The following ATP6V0A1 variants were observed in gnomAD, a reference collection of about 807,000 sequenced individuals.
ATP6V0A1 encodes the protein ATPase H+ transporting V0 subunit a1.
In ATP6V0A1, 43 loss-of-function variants were observed where a neutral mutation model predicts 105.4. That is an observed-to-expected ratio of 0.41 (90% CI 0.32 to 0.53). The LOEUF is 0.53. ATP6V0A1 is among the 20% of genes least tolerant of loss of function. The pLI, the probability that ATP6V0A1 is intolerant of heterozygous loss-of-function variation, is 0.30. For synonymous variants in ATP6V0A1, 362 were observed against 372.8 expected, an observed-to-expected ratio of 0.97 and a Z score of 0.33; for missense variants, 676 against 1,051.1, an observed-to-expected ratio of 0.64 and a Z score of 4.93.
At position 42,470,128 on chromosome 17, in the gene ATP6V0A1, C is replaced by A; in HGVS notation, c.333C>A (p.Ile111=). 1 of 1,610,014 alleles carries A rather than the reference C, an allele frequency of 6.2e-7. No homozygotes were observed. Among genetic ancestry groups the A allele is most frequent in the South Asian group, 1.1e-5 (1 of 90,546 alleles). Residue 111 remains isoleucine (I), a synonymous_variant, in exon 5 of 22, where the codon ATC becomes ATA. Transcript: ENST00000343619. ...AGATTGAAAATGAACTGAAGGAAAT[C>A]AACACAAACCAGGAAGCTCTGAAGA... ...FEKIENELKE[I]NTNQEALKRN... is the part of the protein sequence containing the mutation.
chr17:42,508,926 C>A (rs1280966729), intron 19 of ATP6V0A1, among the ~76,000 whole-genome samples: 1 of 152,174 alleles, frequency 6.6e-6, no homozygotes, highest in African/African-American at 2.4e-5. Flanking sequence ...CTCTGCCTTC[C>A]TCTCCTGTGA....
At chr17:42,494,232 T>G in intron 11 of ATP6V0A1, 102 bp from the exon 12 acceptor site, 5 of 1,158,654 alleles carry the variant, frequency 4.3e-6, no homozygotes, top group Non-Finnish European at 6.0e-6. Context: ...AGACTCCATC[T>G]CAAAAAAAAA....
intron 17 of ATP6V0A1, among the ~76,000 whole-genome samples, chr17:42,506,192 A>T (rs1872057): frequency 6.6e-6 from 1 of 152,230 alleles, no homozygotes; most frequent in Non-Finnish European, 1.5e-5. Flanking sequence ...TAAACCCTTC[A>T]CAATGATTAT....
chr17:42,505,099 G>A (rs979912030), intron 17 of ATP6V0A1, among the ~76,000 whole-genome samples: 4 of 150,956 alleles, frequency 2.6e-5, no homozygotes, highest in Non-Finnish European at 5.9e-5. Flanking sequence ...GCAGTGGCAC[G>A]ATCTCAGCTC....
intron 17 of ATP6V0A1, among the ~76,000 whole-genome samples, chr17:42,502,314 C>T (rs1183066913): frequency 6.6e-6 from 1 of 152,202 alleles, no homozygotes; most frequent in African/African-American, 2.4e-5. Context: ...TGCGGTTTGC[C>T]TGGGCAACCA....
chr17:42,494,972 A>G, intron 12 of ATP6V0A1, 62 bp from the exon 13 acceptor site: 1 of 1,536,704 alleles, frequency 6.5e-7, no homozygotes, highest in South Asian at 1.1e-5. Flanking sequence ...ATTCTGAATA[A>G]CATTGTCACA....
intron 3 of ATP6V0A1, among the ~76,000 whole-genome samples, chr17:42,466,896 C>G (rs2087143063): frequency 6.6e-6 from 1 of 152,102 alleles, no homozygotes. Context: ...ACCTGTAATC[C>G]CAGCACTTTG....
intron 19 of ATP6V0A1, among the ~76,000 whole-genome samples, chr17:42,508,974 C>T (rs1366140657): frequency 2.0e-5 from 3 of 152,038 alleles, no homozygotes; most frequent in East Asian, 1.9e-4. Flanking sequence ...CGGGAGTAGC[C>T]GTTTCCTCCC....
In ATP6V0A1 at chr17:42,470,109, A is replaced by T. The variant is rs753555360; in HGVS notation, c.314A>T (p.Glu105Val). 4 of 1,607,294 alleles carry T rather than the reference A, an allele frequency of 2.5e-6. No individual in the cohort carries two copies. ...ATCTAGGCCAATTTTGAGAAGATTG[A>T]AAATGAACTGAAGGAAATCAACACA... Reference protein sequence around the residue: ...IDLEANFEKIENELKEINTNQ... With the variant: ...IDLEANFEKIVNELKEINTNQ... The change falls in exon 5 of 22, where the codon GAA becomes GTA. Residue 105 changes from glutamate to valine, a missense_variant. Glu to Val is a moderately radical substitution (Grantham distance 121, BLOSUM62 -2). Transcript: ENST00000343619.
chr17:42,483,245 A>G (rs1023379542), intron 9 of ATP6V0A1, 114 bp downstream of exon 9: 1 of 731,252 alleles, frequency 1.4e-6, no homozygotes, highest in Non-Finnish European at 2.0e-6. Flanking sequence ...CAGGATACCA[A>G]AAAAAGAAAT....
chr17:42,499,605 G>A (rs1382707415), intron 15 of ATP6V0A1, among the ~76,000 whole-genome samples: 1 of 152,040 alleles, frequency 6.6e-6, no homozygotes, highest in South Asian at 2.1e-4. Flanking sequence ...TGGCCCACAT[G>A]GTGAAACTCC....
At chr17:42,462,412 G>T (rs1220695602) in intron 2 of ATP6V0A1, among the ~76,000 whole-genome samples, 1 of 151,862 alleles carries the variant, frequency 6.6e-6, no homozygotes, top group African/African-American at 2.4e-5. Context: ...TGTGGTTTTT[G>T]TTGTTGTTGT....
intron 2 of ATP6V0A1, among the ~76,000 whole-genome samples, chr17:42,463,743 C>T (rs112629880): frequency 0.034 from 5,174 of 152,200 alleles, 124 homozygotes; most frequent in Middle Eastern, 0.061. Flanking sequence ...CAAAAATCTG[C>T]ATACAATTTT....
At chr17:42,494,069 C>G (rs959445968) in intron 11 of ATP6V0A1, among the ~76,000 whole-genome samples, 1 of 151,922 alleles carries the variant, frequency 6.6e-6, no homozygotes, top group East Asian at 1.9e-4. Flanking sequence ...ATGGTGAAAC[C>G]CTGTCTCTAC....
chr17:42,495,714 C>A lies in ATP6V0A1; in HGVS notation c.1558C>A (p.Pro520Thr). ...TGGACCATACCCTTTTGGCATTGAT[C>A]CAGTAAGAGGACTTCCTTCCTATAT... ...FGGPYPFGID[P>T]IWNIATNKLT... Residue 520 changes from proline to threonine, a missense_variant and splice_region_variant, in exon 14 of 22, where the codon CCA becomes ACA. Around this residue, in one of 3 missense-constraint regions of ATP6V0A1, gnomAD observed 435 missense variants for 642.2 expected, o/e 0.68. Transcript: ENST00000343619. The A allele has an allele frequency of 6.2e-7, 1 of 1,611,532 alleles. No homozygotes were observed. Among genetic ancestry groups the A allele is most frequent in the Non-Finnish European group, 8.5e-7 (1 of 1,177,688 alleles).
chr17:42,500,353 G>A (rs542656713), intron 15 of ATP6V0A1, among the ~76,000 whole-genome samples: 6 of 152,314 alleles, frequency 3.9e-5, no homozygotes, highest in African/African-American at 1.4e-4. Context: ...GGTGGCGCAT[G>A]CCTGTAGTCC....
chr17:42,517,633 G>GC (rs1482908894), intron 21 of ATP6V0A1, among the ~76,000 whole-genome samples: 3 of 152,288 alleles, frequency 2.0e-5, no homozygotes, highest in South Asian at 2.1e-4. Flanking sequence ...GTGCTTGTGC[G>GC]CCCCCTCCTG....
intron 12 of ATP6V0A1, 119 bp from the exon 13 acceptor site, chr17:42,494,915 T>C: frequency 8.8e-7 from 1 of 1,129,944 alleles, no homozygotes; most frequent in Non-Finnish European, 1.3e-6. Context: ...CTTCAAGCTC[T>C]CTGAATCAGG....
chr17:42,468,889 A>G (rs1186964295), intron 4 of ATP6V0A1, among the ~76,000 whole-genome samples: 1 of 152,148 alleles, frequency 6.6e-6, no homozygotes, highest in Non-Finnish European at 1.5e-5. Flanking sequence ...GCTATCACCT[A>G]GGCTGGACTA....
Sources: gnomAD v4.1 joint callset for allele counts (sites outside exome capture counted in the v4.1 genomes callset) on GRCh38, gnomAD v4.1.1 for gene constraint, gnomAD v4.1.1 regional missense constraint, MANE v1.5 for transcripts, NCBI Gene and HGNC (gene_info 2026-07-23, HGNC 2026-07-21) for gene names.